NLK: variants seen among roughly 807,000 people sequenced by gnomAD.
NLK encodes nemo like kinase, also known as serine/threonine-protein kinase NLK.
NLK carries 11 observed loss-of-function variants against 59.0 expected under a neutral mutation model. That is an observed-to-expected ratio of 0.19 (90% CI 0.12 to 0.31). NLK has a LOEUF of 0.31. Ranked by LOEUF, NLK falls within the 10% of genes least tolerant of loss-of-function variation. The probability of loss-of-function intolerance (pLI) is 1.00; values close to 1 mark genes in which losing one functional copy is unlikely to be tolerated. For missense variants in NLK, 410 were observed against 661.1 expected (o/e 0.62, Z 4.16); for synonymous variants, 235 against 235.9 (o/e 1.00, Z 0.03).
At chr17:28,197,971 G>A (rs1909525540), downstream of NLK, among the ~76,000 whole-genome samples, 1 of 152,272 alleles carries the variant, frequency 6.6e-6, no homozygotes, top group South Asian at 2.1e-4. Context: ...TCCAAGAATG[G>A]TGAACAAAGA....
intron 5 of NLK, among the ~76,000 whole-genome samples, chr17:28,165,907 G>A (rs1208480637): frequency 6.6e-6 from 1 of 152,088 alleles, no homozygotes; most frequent in Non-Finnish European, 1.5e-5. Context: ...CCAAGTAATA[G>A]AGTTTTTAAA....
intron 1 of NLK, among the ~76,000 whole-genome samples, chr17:28,084,924 AAC>A (rs922635985): frequency 4.6e-5 from 7 of 152,288 alleles, no homozygotes; most frequent in African/African-American, 1.7e-4. Flanking sequence ...TTTGTGAAAA[AAC>A]ACAAATCAGT....
chr17:28,155,381 A>C (rs958393819), intron 3 of NLK, among the ~76,000 whole-genome samples: 1 of 152,322 alleles, frequency 6.6e-6, no homozygotes, highest in East Asian at 1.9e-4. Context: ...GCGATTCCTC[A>C]AGGATCTAGA....
intron 1 of NLK, among the ~76,000 whole-genome samples, chr17:28,104,624 G>A (rs142028385): frequency 3.9e-5 from 6 of 152,138 alleles, no homozygotes; most frequent in Admixed American, 6.5e-5. Context: ...AGCACACAAC[G>A]TTTTTTGCCC....
intron 7 of NLK, among the ~76,000 whole-genome samples, chr17:28,183,247 A>G (rs1185880599): frequency 1.3e-5 from 2 of 152,232 alleles, no homozygotes; most frequent in Non-Finnish European, 1.5e-5. Flanking sequence ...AATACAGTTT[A>G]TGGCACTTGA....
At chr17:28,193,616 C>A (rs916988519) in intron 10 of NLK, among the ~76,000 whole-genome samples, 1 of 152,286 alleles carries the variant, frequency 6.6e-6, no homozygotes, top group East Asian at 1.9e-4. Context: ...AGGGTGGATT[C>A]GGATATGAGT....
chr17:28,068,691 T>G (rs900052069), intron 1 of NLK, among the ~76,000 whole-genome samples: 1 of 152,202 alleles, frequency 6.6e-6, no homozygotes, highest in East Asian at 1.9e-4. Flanking sequence ...ATTTTTTCTA[T>G]TTTTTAGAGA....
chr17:28,178,696 A>G (rs946197445), intron 7 of NLK, among the ~76,000 whole-genome samples: 6 of 152,198 alleles, frequency 3.9e-5, no homozygotes, highest in African/African-American at 1.4e-4. Flanking sequence ...ACCATATCTT[A>G]TATTTAACAG....
intron 1 of NLK, among the ~76,000 whole-genome samples, chr17:28,106,416 G>A (rs1345399923): frequency 1.3e-5 from 2 of 152,100 alleles, no homozygotes; most frequent in Admixed American, 1.3e-4. Context: ...GCTAACAGAT[G>A]TATTCCTTAT....
intron 1 of NLK, among the ~76,000 whole-genome samples, chr17:28,121,127 G>A (rs1213444329): frequency 6.6e-6 from 1 of 151,844 alleles, no homozygotes; most frequent in Non-Finnish European, 1.5e-5. Context: ...GTATTACCCA[G>A]GCTGGTCTCA....
chr17:28,168,408 G>C (rs777842656), intron 5 of NLK, 40 bp from the exon 6 acceptor site: 1 of 1,396,766 alleles, frequency 7.2e-7, no homozygotes, highest in South Asian at 1.2e-5. Context: ...TCTTTCATTT[G>C]TATTTGCTTG....
At chr17:28,067,856 A>G (rs1056084564) in intron 1 of NLK, among the ~76,000 whole-genome samples, 8 of 150,624 alleles carry the variant, frequency 5.3e-5, no homozygotes, top group Non-Finnish European at 1.0e-4. Flanking sequence ...ATATATATAT[A>G]TGGTCTGGGC....
rs1221881302 is a variant in NLK at position 28,043,100 on chromosome 17, CAGCAGCGGCTGCAGCTGCAGCCAT to C, written c.228_251del (p.Ala77_Met84del). The C allele has an allele frequency of 8.8e-6, 14 of 1,583,992 alleles. No individual in the cohort carries two copies. The highest frequency in any genetic ancestry group is 1.2e-5 in the Non-Finnish European group (14 of 1,165,294). ...ACCTCTTCGGCAGCTGCGGCAGCCGCAGCAGCGGCTGCAGCTGCAGCCATGTTAAACCCTGGGCAACAACAGCCA... is the reference window on the plus strand; with the variant it reads ...ACCTCTTCGGCAGCTGCGGCAGCCGCGTTAAACCCTGGGCAACAACAGCCA... On this transcript the variant is annotated inframe_deletion, in exon 1 of 11. Coordinates refer to ENST00000407008, the MANE Select transcript of NLK (RefSeq NM_016231.5).
chr17:28,138,692 A>G lies in NLK; in HGVS notation c.644+6017A>G, dbSNP rs1390214318. Among the ~76,000 whole-genome samples, 3 of 152,220 alleles carry G rather than the reference A, an allele frequency of 2.0e-5. No homozygotes were observed. In the East Asian group the frequency reaches 5.8e-4, roughly 29 times the overall value. On this transcript the variant is annotated intron_variant, in intron 3 of 10. Coordinates refer to ENST00000407008, the MANE Select transcript of NLK (RefSeq NM_016231.5). ...GTACTACTAAGGACCAGAAATCTATATCCTGGGAGCTTTGAAGATTCCCAT... is the reference window on the plus strand; with the variant it reads ...GTACTACTAAGGACCAGAAATCTATGTCCTGGGAGCTTTGAAGATTCCCAT...
At chr17:28,162,540 G>A (rs1432080182) in intron 4 of NLK, among the ~76,000 whole-genome samples, 1 of 152,094 alleles carries the variant, frequency 6.6e-6, no homozygotes, top group Non-Finnish European at 1.5e-5. Flanking sequence ...GGGAGGCTGA[G>A]GCAGGAGAAT....
At position 28,194,665 on chromosome 17, in the gene NLK, G is replaced by GT; in HGVS notation, c.*30dup. ...TGGAAGATAATGTACTACTGAAGAT[G>GT]TAATGTAGCTTTCCACTGGAGTCTG... On this transcript the variant is annotated 3_prime_UTR_variant, in exon 11 of 11. Coordinates refer to ENST00000407008, the MANE Select transcript of NLK (RefSeq NM_016231.5). 6.6e-7 allele frequency: 1 copy of GT among 1,522,272 alleles called. No individual in the cohort carries two copies. The allele number at this position is 1,522,272 out of a possible 1,614,324, so 94.3% of individuals were successfully genotyped here.
intron 1 of NLK, among the ~76,000 whole-genome samples, chr17:28,101,338 G>A (rs1455100492): frequency 6.6e-6 from 1 of 152,136 alleles, no homozygotes; most frequent in African/African-American, 2.4e-5. Context: ...GAATTGCATA[G>A]AATCTAAAGA....
At chr17:28,164,945 A>T (rs1325695410) in intron 5 of NLK, among the ~76,000 whole-genome samples, 1 of 152,158 alleles carries the variant, frequency 6.6e-6, no homozygotes, top group East Asian at 1.9e-4. Context: ...CCTTCATTAT[A>T]GCCTTGAAGA....
At chr17:28,151,534 A>C (rs1263841477) in intron 3 of NLK, among the ~76,000 whole-genome samples, 1 of 152,238 alleles carries the variant, frequency 6.6e-6, no homozygotes, top group Admixed American at 6.5e-5. Flanking sequence ...TAATCACTTT[A>C]TAAAAATCCT....
Sources: allele counts gnomAD v4.1 joint callset (sites outside exome capture counted in the v4.1 genomes callset), GRCh38; gene constraint gnomAD v4.1.1; transcripts MANE v1.5; gene names NCBI Gene and HGNC (gene_info 2026-07-23, HGNC 2026-07-21).